OLFML2B: variants seen among roughly 807,000 people sequenced by gnomAD.
The protein encoded by OLFML2B is olfactomedin-like protein 2B.
A neutral mutation model predicts 74.9 loss-of-function variants in OLFML2B; 57 were observed. The ratio of observed to expected loss-of-function variants is 0.76; its 90% CI spans 0.61 to 0.95. OLFML2B has a LOEUF of 0.95. OLFML2B is among the 40% of genes least tolerant of loss of function. The pLI is 0.00. For missense variants in OLFML2B, 986 were observed against 970.6 expected (o/e 1.02, Z -0.21); for synonymous variants, 388 against 405.8 (o/e 0.96, Z 0.53).
Position 162,006,426 on chromosome 1 carries a change from G to A in OLFML2B, c.594C>T (p.Asp198=), listed in dbSNP as rs1377229986. The change falls in exon 4 of 8, where the codon GAC becomes GAT. Residue 198 remains aspartate (D), a synonymous_variant. Coordinates refer to ENST00000294794, the MANE Select transcript of OLFML2B (RefSeq NM_015441.3). ...LTKENEQIKE[D]MEEIRTEMNK... ...TCATCTCGGTTCGAATTTCTTCCATGTCCTCTTTGATTTGTTCATTTTCCT... is the reference window on the plus strand; with the variant it reads ...TCATCTCGGTTCGAATTTCTTCCATATCCTCTTTGATTTGTTCATTTTCCT... The A allele has an allele frequency of 6.2e-7, 1 of 1,608,534 alleles. No individual in the cohort carries two copies.
At chr1:162,005,672 G>A (rs963669527) in intron 4 of OLFML2B, among the ~76,000 whole-genome samples, 3 of 152,246 alleles carry the variant, frequency 2.0e-5, no homozygotes, top group African/African-American at 7.2e-5. Flanking sequence ...CAGAAGGATT[G>A]CTTGTGGCCA....
At chr1:162,016,846 G>T (rs1275859418) in intron 3 of OLFML2B, among the ~76,000 whole-genome samples, 1 of 152,188 alleles carries the variant, frequency 6.6e-6, no homozygotes, top group Non-Finnish European at 1.5e-5. Context: ...ATAGTATGGT[G>T]TCTTTGTCTA....
chr1:162,005,323 C>A (rs993386231), intron 4 of OLFML2B, among the ~76,000 whole-genome samples: 1 of 152,166 alleles, frequency 6.6e-6, no homozygotes, highest in African/African-American at 2.4e-5. Context: ...GCTAGGGACA[C>A]AACTGGGTAG....
Position 162,023,515 on chromosome 1 carries a change from C to T in OLFML2B, c.-85G>A. ...GGCAAGGACTTCTGCGAGAGGGTGT[C>T]CTCGCTAGAGCCCGAAAGTGGCTGC... is the stretch of plus-strand genomic sequence containing the variant. On this transcript the variant is annotated 5_prime_UTR_variant, in exon 1 of 8. Coordinates refer to ENST00000294794, the MANE Select transcript of OLFML2B (RefSeq NM_015441.3). The T allele has an allele frequency of 2.3e-6, 3 of 1,331,810 alleles. No individual in the cohort carries two copies. The highest frequency in any genetic ancestry group is 3.6e-5 in the South Asian group (2 of 55,966). 82.5% of individuals were successfully genotyped at this position (1,331,810 alleles called of 1,614,324 possible). A position where few individuals can be genotyped will look rare whatever the true frequency, so the allele number is the denominator to read the frequency against.
intron 6 of OLFML2B, among the ~76,000 whole-genome samples, chr1:161,986,796 G>A (rs114269178): frequency 0.016 from 2,381 of 152,314 alleles, 62 homozygotes; most frequent in African/African-American, 0.054. Flanking sequence ...GCAATCCTCT[G>A]CCCTGGCAAA....
chr1:162,000,470 G>C, intron 4 of OLFML2B, 132 bp from the exon 5 acceptor site: 1 of 638,864 alleles, frequency 1.6e-6, no homozygotes, highest in Non-Finnish European at 2.7e-6. Flanking sequence ...ACTGTTCTAA[G>C]TGCTTTATAC....
At chr1:161,993,630 T>A (rs866883867) in intron 6 of OLFML2B, among the ~76,000 whole-genome samples, 3 of 152,170 alleles carry the variant, frequency 2.0e-5, no homozygotes, top group African/African-American at 7.2e-5. Context: ...CCCGGCTCCC[T>A]ACCCTGGAAT....
chr1:161,995,078 G>A (rs1407236670), intron 6 of OLFML2B, among the ~76,000 whole-genome samples: 1 of 152,178 alleles, frequency 6.6e-6, no homozygotes, highest in Non-Finnish European at 1.5e-5. Flanking sequence ...CCAGACACAG[G>A]CAAGTCAGGG....
At chr1:161,985,413 C>CA (rs1300917066) in intron 6 of OLFML2B, among the ~76,000 whole-genome samples, 1 of 152,200 alleles carries the variant, frequency 6.6e-6, no homozygotes, top group African/African-American at 2.4e-5. Context: ...CTCCTCCCTC[C>CA]ACGCCTGCCC....
intron 5 of OLFML2B, among the ~76,000 whole-genome samples, chr1:161,999,102 T>C (rs1406686860): frequency 6.6e-6 from 1 of 152,168 alleles, no homozygotes. Context: ...AGGCTGTGTA[T>C]GGAGTTCAGT....
At chr1:162,009,917 C>T (rs1017903803) in intron 3 of OLFML2B, among the ~76,000 whole-genome samples, 1 of 152,202 alleles carries the variant, frequency 6.6e-6, no homozygotes, top group Non-Finnish European at 1.5e-5. Flanking sequence ...TCGATTCTGC[C>T]CTGGGAAATA....
intron 2 of OLFML2B, among the ~76,000 whole-genome samples, chr1:162,019,029 G>A (rs57311038): frequency 0.087 from 13,312 of 152,214 alleles, 710 homozygotes; most frequent in East Asian, 0.16. Flanking sequence ...GCAGAGCTGC[G>A]GCTCTGGCCA....
intron 6 of OLFML2B, 102 bp from the exon 7 acceptor site, chr1:161,985,082 G>A: frequency 2.5e-6 from 3 of 1,221,340 alleles, no homozygotes; most frequent in East Asian, 2.4e-5. Flanking sequence ...TCCTCGGCAG[G>A]CTTTAACAGC....
At chr1:161,995,710 C>T (rs1025086043) in intron 6 of OLFML2B, among the ~76,000 whole-genome samples, 2 of 152,204 alleles carry the variant, frequency 1.3e-5, no homozygotes, top group Non-Finnish European at 2.9e-5. Context: ...TGCCTGATGG[C>T]TTGCAAGGTG....
intron 3 of OLFML2B, among the ~76,000 whole-genome samples, chr1:162,010,488 C>A (rs1690349673): frequency 6.6e-6 from 1 of 152,168 alleles, no homozygotes; most frequent in Admixed American, 6.5e-5. Context: ...TCAGTCAGCC[C>A]TAGTCAGCAT....
chr1:162,017,564 G>A, intron 2 of OLFML2B, 57 bp from the exon 3 acceptor site: 1 of 1,323,734 alleles, frequency 7.6e-7, no homozygotes, highest in South Asian at 1.3e-5. Flanking sequence ...ACAGGGCAGA[G>A]TTTCCTTTCA....
chr1:161,992,280 G>A (rs188797660), intron 6 of OLFML2B, among the ~76,000 whole-genome samples: 5 of 152,334 alleles, frequency 3.3e-5, no homozygotes, highest in Non-Finnish European at 5.9e-5. Context: ...TCATAGAATT[G>A]AAGAGAGTTA....
In OLFML2B at chr1:161,983,425, T is replaced by C; in HGVS notation, c.*250A>G. On this transcript the variant is annotated 3_prime_UTR_variant, in exon 8 of 8. Coordinates refer to ENST00000294794, the MANE Select transcript of OLFML2B (RefSeq NM_015441.3). ...TGAAGGCTTGAAGGAAGGTGGTTAC[T>C]GGTCAAAAGGAGAAGTTCATTTGCA... The C allele has an allele frequency of 2.9e-6, 1 of 343,396 alleles. No individual in the cohort carries two copies. The highest frequency in any genetic ancestry group is 4.5e-5 in the Admixed American group (1 of 22,452). 21.3% of individuals were successfully genotyped at this position (343,396 alleles called of 1,614,324 possible). A position where few individuals can be genotyped will look rare whatever the true frequency, so the allele number is the denominator to read the frequency against.
chr1:161,998,117 T>C lies in OLFML2B; in HGVS notation c.1182A>G (p.Thr394=). ...CTGGAGACACCGAGGTTGTTTGGAG[T>C]GTTGGTCCCACTGAGGCATGGTTGG... is the stretch of plus-strand genomic sequence containing the variant. ...SIANHASVGP[T]LQTTSVSPDP... Residue 394 remains threonine, a synonymous_variant, in exon 6 of 8, where the codon ACA becomes ACG. Transcript: ENST00000294794. The C allele has an allele frequency of 2.5e-6, 4 of 1,613,654 alleles. No homozygotes were observed. The highest frequency in any genetic ancestry group is 3.4e-6 in the Non-Finnish European group (4 of 1,179,948).
Sources: allele counts gnomAD v4.1 joint callset (sites outside exome capture counted in the v4.1 genomes callset), GRCh38; gene constraint gnomAD v4.1.1; transcripts MANE v1.5; gene names NCBI Gene and HGNC (gene_info 2026-07-23, HGNC 2026-07-21).